CHRM2: variants seen among roughly 807,000 people sequenced by gnomAD.
CHRM2 encodes the protein cholinergic receptor muscarinic 2, also known as muscarinic acetylcholine receptor M2.
CHRM2 carries 8 observed loss-of-function variants against 25.0 expected under a neutral mutation model. The observed-to-expected ratio is 0.32, with a 90% confidence interval of 0.19 to 0.58. The LOEUF (loss-of-function observed/expected upper bound fraction) is 0.58. Ranked by LOEUF, CHRM2 falls within the 20% of genes least tolerant of loss-of-function variation. The pLI, the probability that CHRM2 is intolerant of heterozygous loss-of-function variation, is 0.88. For missense variants in CHRM2, 440 were observed against 567.1 expected, an observed-to-expected ratio of 0.78 and a Z score of 2.28; for synonymous variants, 202 against 205.7, an observed-to-expected ratio of 0.98 and a Z score of 0.15.
intron 2 of CHRM2, among the ~76,000 whole-genome samples, chr7:136,979,195 T>A (rs1489137496): frequency 6.6e-6 from 1 of 152,238 alleles, no homozygotes; most frequent in Non-Finnish European, 1.5e-5. Context: ...ATTTCTCTAA[T>A]GACATGTGAT....
chr7:136,872,905 G>A (rs1046094504), intron 2 of CHRM2, among the ~76,000 whole-genome samples: 9 of 152,122 alleles, frequency 5.9e-5, no homozygotes, highest in Non-Finnish European at 1.2e-4. Flanking sequence ...GCATGTGAGC[G>A]AACCCTTTCT....
chr7:136,884,143 G>A (rs1474015730), intron 2 of CHRM2, among the ~76,000 whole-genome samples: 1 of 152,096 alleles, frequency 6.6e-6, no homozygotes, highest in Non-Finnish European at 1.5e-5. Flanking sequence ...ATTACACAAT[G>A]AGTTTGTTCC....
At chr7:136,979,730 A>G (rs1488214919) in intron 2 of CHRM2, among the ~76,000 whole-genome samples, 2 of 152,156 alleles carry the variant, frequency 1.3e-5, no homozygotes, top group African/African-American at 4.8e-5. Flanking sequence ...TGTTTTTGTC[A>G]GGTTTGTCAA....
intron 2 of CHRM2, among the ~76,000 whole-genome samples, chr7:136,985,309 A>G (rs747100210): frequency 6.6e-6 from 1 of 151,838 alleles, no homozygotes; most frequent in Non-Finnish European, 1.5e-5. Context: ...CAGGAGTTTG[A>G]GACCAGCCTG....
At chr7:136,985,504 C>CAAAAAAAAAAAAAAAAA (rs974105875) in intron 2 of CHRM2, among the ~76,000 whole-genome samples, 2 of 59,754 alleles carry the variant, frequency 3.3e-5, no homozygotes, top group Non-Finnish European at 2.8e-5. Context: ...AGTTAGACTC[C>CAAAAAAAAAAAAAAAAA]AAAAAAAAAA....
intron 2 of CHRM2, among the ~76,000 whole-genome samples, chr7:136,984,662 C>T (rs324625): frequency 0.85 from 129,936 of 151,984 alleles, 56,367 homozygotes; most frequent in Middle Eastern, 0.97. Flanking sequence ...CCATTCCTCA[C>T]GGCACAGTCC....
intron 2 of CHRM2, among the ~76,000 whole-genome samples, chr7:136,886,115 T>C (rs1341515107): frequency 6.6e-6 from 1 of 152,220 alleles, no homozygotes; most frequent in East Asian, 1.9e-4. Context: ...CCCTACACCA[T>C]CCTATTTCAT....
intron 2 of CHRM2, among the ~76,000 whole-genome samples, chr7:136,905,898 T>C (rs1478747350): frequency 6.6e-6 from 1 of 151,568 alleles, no homozygotes; most frequent in East Asian, 1.9e-4. Context: ...TGAAAAACTG[T>C]ATTTTATCAT....
intron 2 of CHRM2, among the ~76,000 whole-genome samples, chr7:136,964,224 AATAT>A (rs112659942): frequency 2.0e-5 from 3 of 151,356 alleles, no homozygotes; most frequent in African/African-American, 4.9e-5. Flanking sequence ...GAAATGGTTA[AATAT>A]ATATATATAT....
chr7:137,003,456 G>C (rs1804187608), intron 3 of CHRM2, among the ~76,000 whole-genome samples: 1 of 144,770 alleles, frequency 6.9e-6, no homozygotes, highest in African/African-American at 2.6e-5. Context: ...CTTGATGTAT[G>C]CATATGCATG....
intron 2 of CHRM2, among the ~76,000 whole-genome samples, chr7:136,964,419 G>A (rs759293395): frequency 3.9e-5 from 6 of 152,124 alleles, no homozygotes; most frequent in Non-Finnish European, 7.4e-5. Flanking sequence ...CCTTTTGAGT[G>A]CTGCCTGGAA....
In CHRM2 at chr7:137,016,453, T is replaced by C. The variant is rs749236260; in HGVS notation, c.*187T>C. 6.4e-6 allele frequency: 4 copies of C among 621,616 alleles called. No individual in the cohort carries two copies. The Middle Eastern group carries it at 1.3e-3, about 206-fold the overall frequency. 38.5% of individuals were successfully genotyped at this position (621,616 alleles called of 1,614,324 possible). On this transcript the variant is annotated 3_prime_UTR_variant, in exon 4 of 4. Coordinates refer to ENST00000680005, the MANE Select transcript of CHRM2 (RefSeq NM_001006630.2). ...TCCAGTTTGCAAAAATTGCACCTTA[T>C]AAACTGTCAGTATTAGGAGCAATGA...
intron 2 of CHRM2, among the ~76,000 whole-genome samples, chr7:136,959,205 T>C (rs748931344): frequency 6.6e-6 from 1 of 152,216 alleles, no homozygotes; most frequent in Non-Finnish European, 1.5e-5. Flanking sequence ...AGTTTGAGAA[T>C]TTACCCACCA....
intron 2 of CHRM2, among the ~76,000 whole-genome samples, chr7:136,907,459 T>A (rs1797617751): frequency 6.6e-6 from 1 of 151,926 alleles, no homozygotes; most frequent in Admixed American, 6.6e-5. Context: ...TAGTCTAAGC[T>A]CTTCACTTTC....
At chr7:136,977,694 A>G (rs1802194560) in intron 2 of CHRM2, among the ~76,000 whole-genome samples, 1 of 152,294 alleles carries the variant, frequency 6.6e-6, no homozygotes, top group East Asian at 1.9e-4. Context: ...TTCAGGGAGA[A>G]TAAATGGCAT....
At chr7:136,984,738 GC>G (rs1286969858) in intron 2 of CHRM2, among the ~76,000 whole-genome samples, 1 of 152,004 alleles carries the variant, frequency 6.6e-6, no homozygotes, top group African/African-American at 2.4e-5. Context: ...GTGAGGCAAT[GC>G]CCCACCCTGC....
intron 2 of CHRM2, among the ~76,000 whole-genome samples, chr7:136,909,371 T>C (rs1009066451): frequency 1.3e-4 from 20 of 151,952 alleles, no homozygotes; most frequent in Admixed American, 1.3e-3. Context: ...TAACAGACGA[T>C]AGTATTTACT....
intron 2 of CHRM2, among the ~76,000 whole-genome samples, chr7:136,880,808 C>T (rs932379199): frequency 5.9e-5 from 9 of 151,646 alleles, no homozygotes; most frequent in African/African-American, 2.2e-4. Context: ...TCACCAGAGC[C>T]CATAGTTTAC....
chr7:136,929,534 T>C (rs988700941), intron 2 of CHRM2, among the ~76,000 whole-genome samples: 1 of 152,130 alleles, frequency 6.6e-6, no homozygotes, highest in Non-Finnish European at 1.5e-5. Context: ...TCTCCTTCTT[T>C]TGCTAGTCCC....
Sources: gnomAD v4.1 joint callset for allele counts (sites outside exome capture counted in the v4.1 genomes callset) on GRCh38, gnomAD v4.1.1 for gene constraint, MANE v1.5 for transcripts, NCBI Gene and HGNC (gene_info 2026-07-23, HGNC 2026-07-21) for gene names.